Variants in KALRN observed in about 807,000 individuals in gnomAD.
KALRN encodes kalirin.
A neutral mutation model predicts 353.7 loss-of-function variants in KALRN; 70 were observed. The observed-to-expected ratio is 0.20, with a 90% CI of 0.16 to 0.24. The LOEUF is 0.24. Ranked by LOEUF, KALRN falls within the 10% of genes least tolerant of loss-of-function variation. The probability of loss-of-function intolerance (pLI) is 1.00; values close to 1 mark genes in which losing one functional copy is unlikely to be tolerated. For missense variants in KALRN, 2,791 were observed against 3,756.7 expected (o/e 0.74, Z 6.72); for synonymous variants, 1,391 against 1,434.8 (o/e 0.97, Z 0.69).
chr3:124,103,200 A>AG (rs1488149623), intron 1 of KALRN, among the ~76,000 whole-genome samples: 4 of 152,156 alleles, frequency 2.6e-5, no homozygotes, highest in Non-Finnish European at 5.9e-5. Context: ...TGTGGTGTGA[A>AG]CTACCCAGGC....
At chr3:124,216,684 C>A (rs2077368034) in intron 1 of KALRN, among the ~76,000 whole-genome samples, 3 of 152,194 alleles carry the variant, frequency 2.0e-5, no homozygotes, top group African/African-American at 7.2e-5. Context: ...ATTCAGATCA[C>A]CCCTTCTTTC....
At position 124,492,760 on chromosome 3, in the gene KALRN, G is replaced by A; in HGVS notation, c.4710G>A (p.Lys1570=). 1.2e-6 allele frequency: 2 copies of A among 1,614,028 alleles called. No homozygotes were observed. Among genetic ancestry groups the A allele is most frequent in the South Asian group, 1.1e-5 (1 of 91,070 alleles). ...TCTAGGCCTCCAACATTGAAACCAA[G>A]CAGGAGTGGATCAAGAACATTCGAG... is the stretch of plus-strand genomic sequence containing the variant. ...TVLKASNIET[K]QEWIKNIREV... is the part of the protein sequence containing the mutation. The change falls in exon 32 of 60, where the codon AAG becomes AAA. Residue 1570 remains lysine (K), a synonymous_variant. Coordinates refer to ENST00000682506, the MANE Select transcript of KALRN (RefSeq NM_001388419.1).
intron 25 of KALRN, among the ~76,000 whole-genome samples, chr3:124,466,497 A>G (rs1226488904): frequency 1.3e-5 from 2 of 151,112 alleles, no homozygotes; most frequent in Non-Finnish European, 3.0e-5. Context: ...GCTTGCTGTT[A>G]TTAGATTTGC....
intron 1 of KALRN, among the ~76,000 whole-genome samples, chr3:124,034,586 A>G (rs897686063): frequency 1.4e-4 from 22 of 151,958 alleles, no homozygotes; most frequent in African/African-American, 5.1e-4. Flanking sequence ...CGCCCCTGCC[A>G]TCGTCCAAGT....
intron 34 of KALRN, among the ~76,000 whole-genome samples, chr3:124,601,513 A>G (rs187012591): frequency 1.3e-5 from 2 of 152,204 alleles, no homozygotes; most frequent in Non-Finnish European, 2.9e-5. Flanking sequence ...CCTATGGCTG[A>G]TTCACGATGA....
At chr3:124,313,849 T>C (rs2078533941) in intron 6 of KALRN, among the ~76,000 whole-genome samples, 1 of 152,114 alleles carries the variant, frequency 6.6e-6, no homozygotes, top group African/African-American at 2.4e-5. Flanking sequence ...AACTCTAAAG[T>C]TATCAAATAA....
chr3:124,446,661 G>T lies in KALRN; in HGVS notation c.3430-102G>T, dbSNP rs1357246178. On this transcript the variant is annotated intron_variant, in intron 20 of 59. Transcript: ENST00000682506. Reference sequence around the variant, plus strand: ...CCAATCAAATTGTCAGTGTTTCCTGGGTCCATTAAGTTGTCCCAACAATAA... The same window carrying T: ...CCAATCAAATTGTCAGTGTTTCCTGTGTCCATTAAGTTGTCCCAACAATAA... 5.7e-6 allele frequency: 8 copies of T among 1,405,284 alleles called. No individual in the cohort carries two copies. In the Admixed American group the frequency reaches 1.4e-4, roughly 24 times the overall value. The allele number at this position is 1,405,284 out of a possible 1,614,324, so 87.1% of individuals were successfully genotyped here. A position where few individuals can be genotyped will look rare whatever the true frequency, so the allele number is the denominator to read the frequency against.
At chr3:124,506,940 C>G (rs1472409755) in intron 33 of KALRN, among the ~76,000 whole-genome samples, 1 of 152,156 alleles carries the variant, frequency 6.6e-6, no homozygotes, top group Non-Finnish European at 1.5e-5. Flanking sequence ...TGAGCTTCTA[C>G]CATGTGCCAG....
rs746167368 is a variant in KALRN at position 124,134,159 on chromosome 3, C to T, written c.74-93831C>T. ...TATAAGGCTATAGTCACCAAAACAG[C>T]GTGATACTGGCATAAAAATAGGCAC... On this transcript the variant is annotated intron_variant, in intron 1 of 59. Coordinates refer to ENST00000682506, the MANE Select transcript of KALRN (RefSeq NM_001388419.1). Among the ~76,000 whole-genome samples the T allele has an allele frequency of 1.9e-3, 289 of 152,216 alleles. 2 individuals are homozygous for T. Among genetic ancestry groups the T allele is most frequent in the Non-Finnish European group, 1.1e-3 (72 of 68,014 alleles).
At chr3:124,567,290 A>G (rs961334065) in intron 34 of KALRN, among the ~76,000 whole-genome samples, 5 of 151,922 alleles carry the variant, frequency 3.3e-5, no homozygotes, top group African/African-American at 7.3e-5. Flanking sequence ...AAGCAAGGTG[A>G]CCTCCCTGAA....
At chr3:124,401,634 C>T (rs1482983665) in intron 13 of KALRN, among the ~76,000 whole-genome samples, 1 of 152,122 alleles carries the variant, frequency 6.6e-6, no homozygotes, top group African/African-American at 2.4e-5. Flanking sequence ...GTGTGAGGGC[C>T]TCATAAAATG....
Position 124,674,575 on chromosome 3 carries a change from C to T in KALRN, c.7154C>T (p.Thr2385Ile), listed in dbSNP as rs770735721. The change falls in exon 49 of 60, where the codon ACC (threonine) becomes ATC (isoleucine). Residue 2385 changes from threonine to isoleucine, a missense_variant. Around this residue, in one of 11 missense-constraint regions of KALRN, gnomAD observed 1,065 missense variants for 1,156.4 expected, o/e 0.92. Coordinates refer to ENST00000682506, the MANE Select transcript of KALRN (RefSeq NM_001388419.1). The part of the protein sequence containing the change: ...WVPGSILAPL[T>I]KATAAESSDG... ...CCAGGCAGCATCCTGGCGCCCCTCA[C>T]CAAAGCCACAGCAGCAGAAAGTAGT... 8.7e-6 allele frequency: 14 copies of T among 1,607,258 alleles called. No individual in the cohort carries two copies. Among genetic ancestry groups the T allele is most frequent in the Admixed American group, 1.7e-5 (1 of 59,308 alleles).
At chr3:124,064,094 G>A (rs971342761) in intron 1 of KALRN, among the ~76,000 whole-genome samples, 6 of 152,154 alleles carry the variant, frequency 3.9e-5, no homozygotes, top group African/African-American at 1.4e-4. Context: ...TAAGGATTGA[G>A]GATACAGAAA....
chr3:124,035,867 T>C (rs1268609234), intron 1 of KALRN, among the ~76,000 whole-genome samples: 3 of 152,144 alleles, frequency 2.0e-5, no homozygotes, highest in Admixed American at 1.3e-4. Context: ...GCACTTAGTA[T>C]CAGAGAAAGG....
At chr3:124,628,742 AT>A (rs58523719) in intron 34 of KALRN, among the ~76,000 whole-genome samples, 5,596 of 99,086 alleles carry the variant, frequency 0.056, 22 homozygotes, top group Non-Finnish European at 0.072. Flanking sequence ...CACCTGGCTA[AT>A]TTTTTTTTTT....
intron 1 of KALRN, among the ~76,000 whole-genome samples, chr3:124,142,188 T>C (rs1048527959): frequency 2.6e-5 from 4 of 152,162 alleles, no homozygotes; most frequent in South Asian, 2.1e-4. Flanking sequence ...GGGCTAAGCT[T>C]TGTTTATGTC....
intron 34 of KALRN, among the ~76,000 whole-genome samples, chr3:124,612,778 C>T (rs1421108147): frequency 6.6e-6 from 1 of 152,190 alleles, no homozygotes; most frequent in African/African-American, 2.4e-5. Context: ...CCTACACTTG[C>T]TATAGCTCAG....
chr3:124,661,920 G>A lies in KALRN; in HGVS notation c.6337G>A (p.Gly2113Ser). The A allele has an allele frequency of 6.2e-7, 1 of 1,613,798 alleles. No individual in the cohort carries two copies. Among genetic ancestry groups the A allele is most frequent in the Non-Finnish European group, 8.5e-7 (1 of 1,179,748 alleles). The change falls in exon 45 of 60, where the codon GGC (glycine) becomes AGC (serine). Residue 2113 changes from glycine (G) to serine (S), a missense_variant. Gly to Ser is a moderately conservative substitution (Grantham distance 56). Transcript: ENST00000682506. ...NDMMNLGRLQ[G>S]FEGTLTAQGK... is the part of the protein sequence containing the mutation. Reference sequence around the variant, plus strand: ...CATGATGAATCTAGGACGTCTGCAGGGCTTTGAGGTGAGTCTTTAAGAATG... The same window carrying A: ...CATGATGAATCTAGGACGTCTGCAGAGCTTTGAGGTGAGTCTTTAAGAATG...
At chr3:124,298,629 C>G (rs2149212538) in intron 5 of KALRN, among the ~76,000 whole-genome samples, 162 bp from the exon 6 acceptor site, 1 of 152,290 alleles carries the variant, frequency 6.6e-6, no homozygotes, top group Non-Finnish European at 1.5e-5. Flanking sequence ...CCTGAGAAAT[C>G]AGGCTGTGGC....
Sources: gnomAD v4.1 joint callset for allele counts (sites outside exome capture counted in the v4.1 genomes callset) on GRCh38, gnomAD v4.1.1 for gene constraint, gnomAD v4.1.1 regional missense constraint, MANE v1.5 for transcripts, NCBI Gene and HGNC (gene_info 2026-07-23, HGNC 2026-07-21) for gene names.